The following PPFIA1 variants were observed in gnomAD, a reference collection of about 807,000 sequenced individuals.
The protein encoded by PPFIA1 is liprin-alpha-1.
A neutral mutation model predicts 149.9 loss-of-function variants in PPFIA1; 25 were observed. That is an observed-to-expected ratio of 0.17 (90% confidence interval 0.12 to 0.23). PPFIA1 has a LOEUF of 0.23. PPFIA1 is among the 10% of genes least tolerant of loss of function. The pLI is 1.00. For missense variants in PPFIA1, 1,362 were observed against 1,506.5 expected, an observed-to-expected ratio of 0.90 and a Z score of 1.59; for synonymous variants, 549 against 552.8, an observed-to-expected ratio of 0.99 and a Z score of 0.10.
chr11:70,300,603 C>T (rs577133453), intron 2 of PPFIA1, among the ~76,000 whole-genome samples: 127 of 150,358 alleles, frequency 8.4e-4, no homozygotes, highest in Middle Eastern at 3.5e-3. Context: ...GGCGTGATCT[C>T]GGCCCTCTGC....
In PPFIA1 at chr11:70,338,406, G is replaced by A; in HGVS notation, c.1524G>A (p.Arg508=). The A allele has an allele frequency of 6.2e-7, 1 of 1,613,522 alleles. No homozygotes were observed. Among genetic ancestry groups the A allele is most frequent in the Non-Finnish European group, 8.5e-7 (1 of 1,179,458 alleles). Residue 508 remains arginine, a synonymous_variant, in exon 13 of 28, where the codon AGG becomes AGA. Transcript: ENST00000253925. The part of the protein sequence containing the change: ...DQLVLNIEAL[R]AELDHMRLRG... The stretch of plus-strand genomic sequence containing the variant: ...TTGTCCTAAACATTGAAGCACTGAG[G>A]GCTGAACTAGACCACATGAGACTAA...
chr11:70,279,132 G>A (rs990511603), intron 2 of PPFIA1: 1 of 547,676 alleles, frequency 1.8e-6, no homozygotes, highest in Non-Finnish European at 3.4e-6. Context: ...CAGGATGGCT[G>A]TGCTATTCAC....
At chr11:70,360,444 T>C (rs11236021) in intron 19 of PPFIA1, among the ~76,000 whole-genome samples, 6,261 of 152,352 alleles carry the variant, frequency 0.041, 473 homozygotes, top group African/African-American at 0.14. Context: ...AGTCAGATCC[T>C]CCCTGCGCCT....
intron 2 of PPFIA1, among the ~76,000 whole-genome samples, chr11:70,288,018 G>C (rs960716051): frequency 1.3e-5 from 2 of 151,658 alleles, no homozygotes; most frequent in African/African-American, 2.4e-5. Context: ...CCACTGCGCT[G>C]GGGCTCAACA....
At chr11:70,277,151 G>A (rs1348274867) in intron 2 of PPFIA1, among the ~76,000 whole-genome samples, 1 of 145,526 alleles carries the variant, frequency 6.9e-6, no homozygotes, top group Non-Finnish European at 1.5e-5. Context: ...TACCTTTTGT[G>A]TCATTGTTTT....
At chr11:70,305,591 G>A (rs1005273098) in intron 2 of PPFIA1, among the ~76,000 whole-genome samples, 3 of 152,018 alleles carry the variant, frequency 2.0e-5, no homozygotes, top group African/African-American at 7.2e-5. Flanking sequence ...GGCTGGTCTC[G>A]AACTCCTGAG....
chr11:70,362,466 C>G lies in PPFIA1; in HGVS notation c.2843C>G (p.Ser948Cys). ...GAGATCATGTCGCTGACCAGCCCGT[C>G]TGCCCCGCCCACATCTAGAACGGTA... ...IQEIMSLTSPSAPPTSRTTLA... is the reference protein window; with the variant it reads ...IQEIMSLTSPCAPPTSRTTLA... Residue 948 changes from serine (S) to cysteine (C), a missense_variant, in exon 21 of 28, where the codon TCT becomes TGT. This residue lies in a region of PPFIA1 where 349 missense variants were observed against 373.3 expected (regional missense o/e 0.93). Coordinates refer to ENST00000253925, the MANE Select transcript of PPFIA1 (RefSeq NM_003626.5). The G allele has an allele frequency of 6.2e-7, 1 of 1,613,474 alleles. No individual in the cohort carries two copies.
chr11:70,360,913 T>TGA (rs2056610579), intron 19 of PPFIA1, among the ~76,000 whole-genome samples: 1 of 152,244 alleles, frequency 6.6e-6, no homozygotes, highest in African/African-American at 2.4e-5. Context: ...TCCATTACAA[T>TGA]GACACCTTCT....
intron 23 of PPFIA1, among the ~76,000 whole-genome samples, chr11:70,373,074 G>C (rs1565463224): frequency 6.6e-6 from 1 of 152,184 alleles, no homozygotes; most frequent in African/African-American, 2.4e-5. Context: ...AGCTGCTTAG[G>C]GTAAGGAAAA....
intron 2 of PPFIA1, among the ~76,000 whole-genome samples, chr11:70,306,253 T>C (rs2052841334): frequency 6.6e-6 from 1 of 152,190 alleles, no homozygotes. Flanking sequence ...AAAAATCTCT[T>C]ACTGTAAATT....
At chr11:70,333,851 C>G (rs572611874) in intron 10 of PPFIA1, among the ~76,000 whole-genome samples, 1 of 152,262 alleles carries the variant, frequency 6.6e-6, no homozygotes, top group South Asian at 2.1e-4. Context: ...GGGAACTGTT[C>G]TAGGTAGCTG....
chr11:70,347,355 A>G (rs1337854096), intron 15 of PPFIA1, among the ~76,000 whole-genome samples: 1 of 152,212 alleles, frequency 6.6e-6, no homozygotes, highest in African/African-American at 2.4e-5. Context: ...TCCAGAACCA[A>G]CAAGACTCAA....
chr11:70,275,631 C>G (rs1224743337), intron 2 of PPFIA1, among the ~76,000 whole-genome samples: 1 of 152,110 alleles, frequency 6.6e-6, no homozygotes, highest in Non-Finnish European at 1.5e-5. Context: ...AAATGGATAT[C>G]TAGTTGACCT....
rs749928660 is a variant in PPFIA1 at position 70,324,923 on chromosome 11, C to T, written c.443C>T (p.Ala148Val). The T allele has an allele frequency of 3.1e-6, 5 of 1,613,786 alleles. No homozygotes were observed. The highest frequency in any genetic ancestry group is 4.2e-6 in the Non-Finnish European group (5 of 1,179,882). Residue 148 changes from alanine to valine, a missense_variant, in exon 4 of 28, where the codon GCG (alanine) becomes GTG (valine). Ala to Val is a moderately conservative substitution (Grantham distance 64). This residue lies in a region of PPFIA1 where 79 missense variants were observed against 146.2 expected (regional missense o/e 0.54). Coordinates refer to ENST00000253925, the MANE Select transcript of PPFIA1 (RefSeq NM_003626.5). ...AGGATGACCGTGGTGAAGAGACAAG[C>T]GCAGTCTCCAGCAGGCGTGTCCAGC... ...SLRMTVVKRQ[A>V]QSPAGVSSEV...
intron 15 of PPFIA1, chr11:70,346,086 A>G (rs2055685800): frequency 5.6e-6 from 2 of 354,232 alleles, no homozygotes; most frequent in Admixed American, 3.4e-5. Context: ...TGCAGAACTT[A>G]CAAAACGGGC....
Position 70,356,061 on chromosome 11 carries a change from G to T in PPFIA1, c.2489-100G>T. On this transcript the variant is annotated intron_variant, in intron 18 of 27. Transcript: ENST00000253925. ...AGTCAGAAACTTAGCCTTAAGAAAT[G>T]ATTTAAATCTGAACCTGCAAATATT... 9 of 1,104,888 alleles carry T rather than the reference G, an allele frequency of 8.1e-6. No homozygotes were observed. In the South Asian group the frequency reaches 1.2e-4, roughly 15 times the overall value. 68.4% of individuals were successfully genotyped at this position (1,104,888 alleles called of 1,614,324 possible). A position where few individuals can be genotyped will look rare whatever the true frequency, so the allele number is the denominator to read the frequency against.
rs1591098908 is a variant in PPFIA1, at chr11:70,296,375, A to C, written c.264+23939A>C. 3.9e-5 allele frequency among the ~76,000 whole-genome samples: 6 copies of C among 152,114 alleles called. No individual in the cohort carries two copies. The South Asian group carries it at 1.2e-3, about 32-fold the overall frequency. ...TAGCGAGCCGAGATCACGCCACTGC[A>C]CTCCAGCCTGGGCACCATTGAGCAC... On this transcript the variant is annotated intron_variant, in intron 2 of 27. Transcript: ENST00000253925.
intron 15 of PPFIA1, chr11:70,346,081 A>T (rs2055685401): frequency 2.8e-6 from 1 of 358,006 alleles, no homozygotes; most frequent in Non-Finnish European, 5.7e-6. Context: ...TATAATGCAG[A>T]ACTTACAAAA....
At chr11:70,277,041 T>G (rs1481554543) in intron 2 of PPFIA1, among the ~76,000 whole-genome samples, 1 of 29,082 alleles carries the variant, frequency 3.4e-5, no homozygotes, top group African/African-American at 1.5e-4. Flanking sequence ...GATTGAGATA[T>G]ATATATATAT....
Sources: gnomAD v4.1 joint callset for allele counts (sites outside exome capture counted in the v4.1 genomes callset) on GRCh38, gnomAD v4.1.1 for gene constraint, gnomAD v4.1.1 regional missense constraint, MANE v1.5 for transcripts, NCBI Gene and HGNC (gene_info 2026-07-23, HGNC 2026-07-21) for gene names.